RBMS3: variants seen among roughly 807,000 people sequenced by gnomAD.
The protein encoded by RBMS3 is RNA-binding motif, single-stranded-interacting protein 3.
In RBMS3, 27 loss-of-function variants were observed where a neutral mutation model predicts 66.8. That is an observed-to-expected ratio of 0.40 (90% confidence interval 0.30 to 0.56). The LOEUF (loss-of-function observed/expected upper bound fraction) is 0.56, where lower values mean the gene tolerates loss of function less well. Among genes scored for constraint, RBMS3 ranks in the 20% least tolerant of loss-of-function variants. The pLI, the probability that RBMS3 is intolerant of heterozygous loss-of-function variation, is 0.40. For synonymous variants in RBMS3, 188 were observed against 183.0 expected (o/e 1.03, Z -0.22); for missense variants, 513 against 549.5 (o/e 0.93, Z 0.66).
chr3:29,408,197 G>T (rs566612321), intron 1 of RBMS3, among the ~76,000 whole-genome samples: 1 of 150,162 alleles, frequency 6.7e-6, no homozygotes, highest in Non-Finnish European at 1.5e-5. Context: ...GTGTGAACCC[G>T]GGAGGCGGAG....
intron 12 of RBMS3, among the ~76,000 whole-genome samples, chr3:29,969,914 T>G (rs1279438182): frequency 6.6e-6 from 1 of 152,256 alleles, no homozygotes; most frequent in Non-Finnish European, 1.5e-5. Flanking sequence ...ACTTTTGACC[T>G]TAAGTCATTG....
rs574642485 is a variant in RBMS3, at chr3:29,460,116, A to G, written c.248+25201A>G. ...TCAGCATAACAGCCTTGCAAATATA[A>G]CAAGGTAATTGTTAGTGACTTTGAG... On this transcript the variant is annotated intron_variant, in intron 2 of 14. Coordinates refer to ENST00000383767, the MANE Select transcript of RBMS3 (RefSeq NM_001003793.3). 2.0e-5 allele frequency among the ~76,000 whole-genome samples: 3 copies of G among 152,336 alleles called. No individual in the cohort carries two copies. The South Asian group carries it at 6.2e-4, about 32-fold the overall frequency.
intron 1 of RBMS3, among the ~76,000 whole-genome samples, chr3:29,416,448 C>G (rs2040480626): frequency 6.6e-6 from 1 of 152,144 alleles, no homozygotes; most frequent in Non-Finnish European, 1.5e-5. Context: ...CAATGTGTTT[C>G]CATGGTTACA....
At chr3:29,495,595 T>A (rs1454696324) in intron 3 of RBMS3, among the ~76,000 whole-genome samples, 1 of 151,654 alleles carries the variant, frequency 6.6e-6, no homozygotes, top group Non-Finnish European at 1.5e-5. Flanking sequence ...TTTTTTTGTA[T>A]TTTTATTAGA....
intron 4 of RBMS3, among the ~76,000 whole-genome samples, chr3:29,656,706 A>G (rs930377875): frequency 4.6e-5 from 7 of 151,168 alleles, no homozygotes; most frequent in African/African-American, 9.7e-5. Context: ...GGACACAAGG[A>G]CAGGTGTATG....
chr3:29,589,656 A>C (rs550008301), intron 4 of RBMS3, among the ~76,000 whole-genome samples: 1 of 152,210 alleles, frequency 6.6e-6, no homozygotes, highest in African/African-American at 2.4e-5. Flanking sequence ...ATTGGATTTC[A>C]TGGCATTTTC....
intron 6 of RBMS3, among the ~76,000 whole-genome samples, chr3:29,803,037 A>G (rs879602799): frequency 1.1e-4 from 17 of 152,136 alleles, no homozygotes; most frequent in Admixed American, 3.9e-4. Context: ...CCCTAGTACT[A>G]TAGCTCTCTG....
chr3:29,549,546 C>T (rs2046109123), intron 3 of RBMS3, among the ~76,000 whole-genome samples: 1 of 151,724 alleles, frequency 6.6e-6, no homozygotes, highest in Admixed American at 6.6e-5. Context: ...ACTATAGGCG[C>T]CCACCACCAT....
At chr3:29,720,452 G>T (rs6779932) in intron 4 of RBMS3, among the ~76,000 whole-genome samples, 63,731 of 151,804 alleles carry the variant, frequency 0.42, 14,411 homozygotes, top group African/African-American at 0.6. Flanking sequence ...TAGTATTCTT[G>T]TAACTGACAG....
chr3:29,343,812 C>A (rs536121076), intron 1 of RBMS3, among the ~76,000 whole-genome samples: 1 of 152,186 alleles, frequency 6.6e-6, no homozygotes, highest in South Asian at 2.1e-4. Context: ...GTAGCAGAGA[C>A]AGAATTTGAA....
At chr3:29,765,990 C>T (rs1336467709) in intron 6 of RBMS3, 1 of 152,030 alleles carries the variant, frequency 6.6e-6, no homozygotes, top group Non-Finnish European at 1.5e-5. Context: ...ACCGGAAAGA[C>T]CTGCACCCAT....
intron 1 of RBMS3, among the ~76,000 whole-genome samples, chr3:29,408,006 C>G (rs2040096818): frequency 6.6e-6 from 1 of 152,094 alleles, no homozygotes; most frequent in African/African-American, 2.4e-5. Context: ...GGCACGGTGA[C>G]TCACGCCTGT....
chr3:29,351,832 AT>A (rs202028377), intron 1 of RBMS3, among the ~76,000 whole-genome samples: 1,693 of 151,734 alleles, frequency 0.011, 30 homozygotes, highest in African/African-American at 0.039. Context: ...TTTCTTCTAG[AT>A]TTTTTTTGTA....
chr3:29,556,193 T>TAAA (rs2046356421), intron 3 of RBMS3: 1 of 152,218 alleles, frequency 6.6e-6, no homozygotes, highest in South Asian at 2.1e-4. Context: ...TTTCTCAGAA[T>TAAA]TATTTTCTAA....
At chr3:29,968,582 G>A (rs1214214256) in intron 12 of RBMS3, among the ~76,000 whole-genome samples, 3 of 152,180 alleles carry the variant, frequency 2.0e-5, no homozygotes, top group Admixed American at 6.5e-5. Flanking sequence ...TCAGCTCCAG[G>A]TAAAGTCGGA....
intron 10 of RBMS3, among the ~76,000 whole-genome samples, chr3:29,918,264 A>G (rs2060687583): frequency 6.6e-6 from 1 of 152,180 alleles, no homozygotes; most frequent in Non-Finnish European, 1.5e-5. Flanking sequence ...GAAAGACAAA[A>G]TATTAGTATG....
intron 1 of RBMS3, among the ~76,000 whole-genome samples, chr3:29,306,782 T>TGGAG (rs2034042782): frequency 6.6e-6 from 1 of 151,910 alleles, no homozygotes; most frequent in Admixed American, 6.6e-5. Flanking sequence ...TTTGCTTATG[T>TGGAG]TCTCCCGTTT....
In RBMS3 at chr3:29,988,179, A is replaced by C. The variant is rs774966259; in HGVS notation, c.1135A>C (p.Ile379Leu). The C allele has an allele frequency of 9.9e-6, 16 of 1,613,302 alleles. No homozygotes were observed. Among genetic ancestry groups the C allele is most frequent in the Middle Eastern group, 1.6e-4 (1 of 6,084 alleles). ...TAAAPMQGTY[I>L]PQYTPVPPTA... is the part of the protein sequence containing the mutation. ...TGCTGCTCCTATGCAAGGGACCTAC[A>C]TTCCTCAGTACACGCCTGTGCCTCC... The change falls in exon 13 of 15, where the codon ATT (isoleucine) becomes CTT (leucine). Residue 379 changes from isoleucine to leucine, a missense_variant. Ile to Leu is a conservative substitution (Grantham distance 5, BLOSUM62 2). Transcript: ENST00000383767.
intron 5 of RBMS3, among the ~76,000 whole-genome samples, chr3:29,748,203 C>G (rs1404786718): frequency 1.3e-5 from 2 of 151,672 alleles, no homozygotes; most frequent in African/African-American, 2.4e-5. Flanking sequence ...ACAATCCTGG[C>G]AAAGAGAAAA....
Sources: allele counts gnomAD v4.1 joint callset (sites outside exome capture counted in the v4.1 genomes callset), GRCh38; gene constraint gnomAD v4.1.1; transcripts MANE v1.5; gene names NCBI Gene and HGNC (gene_info 2026-07-23, HGNC 2026-07-21).